SNX24: variants seen among roughly 807,000 people sequenced by gnomAD.
SNX24 encodes the protein sorting nexin 24.
A neutral mutation model predicts 28.7 loss-of-function variants in SNX24; 22 were observed. That is an observed-to-expected ratio of 0.77 (90% CI 0.55 to 1.10). The LOEUF is 1.10. Among genes scored for constraint, SNX24 ranks in the 50% least tolerant of loss-of-function variants. The probability of loss-of-function intolerance (pLI) is 0.00; values close to 1 mark genes in which losing one functional copy is unlikely to be tolerated. For synonymous variants in SNX24, 69 were observed against 71.5 expected (o/e 0.96, Z 0.18); for missense variants, 221 against 201.1 (o/e 1.10, Z -0.60).
intron 2 of SNX24, among the ~76,000 whole-genome samples, chr5:122,939,037 G>C (rs1039810924): frequency 1.8e-4 from 28 of 151,502 alleles, no homozygotes; most frequent in Middle Eastern, 3.5e-3. Context: ...TTGACTGTAA[G>C]ATTGTGTGCT....
chr5:122,911,158 A>G (rs534830860), intron 1 of SNX24, among the ~76,000 whole-genome samples: 1 of 152,310 alleles, frequency 6.6e-6, no homozygotes, highest in African/African-American at 2.4e-5. Context: ...AATGATTGCC[A>G]TTCTAACTGG....
intron 1 of SNX24, among the ~76,000 whole-genome samples, chr5:122,885,558 A>AGGAATTTGGGGT (rs2067242): frequency 0.8 from 121,134 of 151,368 alleles, 49,155 homozygotes; most frequent in East Asian, 0.99. Flanking sequence ...TATATCTCTA[A>AGGAATTTGGGGT]GGAATTTGGG....
intron 3 of SNX24, among the ~76,000 whole-genome samples, chr5:122,983,425 A>T (rs914555948): frequency 6.6e-6 from 1 of 152,192 alleles, no homozygotes; most frequent in Non-Finnish European, 1.5e-5. Context: ...CCTATACCAT[A>T]TACCATCTGC....
intron 6 of SNX24, among the ~76,000 whole-genome samples, chr5:123,004,140 G>A (rs1762343720): frequency 6.6e-6 from 1 of 152,200 alleles, no homozygotes; most frequent in South Asian, 2.1e-4. Flanking sequence ...TACAAAGTCA[G>A]AGGAGTGTCT....
At chr5:122,867,603 T>C (rs1385418210) in intron 1 of SNX24, among the ~76,000 whole-genome samples, 1 of 152,184 alleles carries the variant, frequency 6.6e-6, no homozygotes, top group Non-Finnish European at 1.5e-5. Flanking sequence ...TAACCTCTAT[T>C]CCTGCCACCA....
At chr5:122,989,842 A>G (rs977467896) in intron 3 of SNX24, among the ~76,000 whole-genome samples, 6 of 152,308 alleles carry the variant, frequency 3.9e-5, no homozygotes, top group African/African-American at 1.2e-4. Context: ...GAGAAGGGCT[A>G]GGGTACATAT....
chr5:122,847,299 CTT>C (rs777440537), intron 1 of SNX24, among the ~76,000 whole-genome samples: 1 of 152,078 alleles, frequency 6.6e-6, no homozygotes, highest in South Asian at 2.1e-4. Context: ...CTTTATGTAT[CTT>C]TTTATTATTT....
chr5:123,019,114 T>C (rs1363754202), intron 5 of SNX24, among the ~76,000 whole-genome samples: 3 of 152,198 alleles, frequency 2.0e-5, no homozygotes, highest in Non-Finnish European at 4.4e-5. Context: ...CACTCTAGAA[T>C]GTCAGTAACA....
At chr5:122,962,290 A>G (rs1760516657) in intron 3 of SNX24, among the ~76,000 whole-genome samples, 2 of 152,214 alleles carry the variant, frequency 1.3e-5, no homozygotes, top group South Asian at 2.1e-4. Context: ...TAAGGCTTGC[A>G]TTATAACCAT....
chr5:122,929,326 A>C (rs1293817907), intron 1 of SNX24, among the ~76,000 whole-genome samples: 1 of 152,106 alleles, frequency 6.6e-6, no homozygotes, highest in East Asian at 1.9e-4. Context: ...CTTTAGGAAA[A>C]GCTTCCCAGG....
At chr5:122,998,037 A>G (rs1286260391) in intron 3 of SNX24, among the ~76,000 whole-genome samples, 1 of 152,216 alleles carries the variant, frequency 6.6e-6, no homozygotes, top group East Asian at 1.9e-4. Flanking sequence ...CACTGAAATA[A>G]TGACCTCTGG....
At chr5:122,892,474 C>G (rs1757014688) in intron 1 of SNX24, among the ~76,000 whole-genome samples, 1 of 151,496 alleles carries the variant, frequency 6.6e-6, no homozygotes, top group African/African-American at 2.4e-5. Context: ...TTTATTGAGA[C>G]AGAGTCTCGC....
At chr5:122,903,020 T>C (rs1381150560) in intron 1 of SNX24, among the ~76,000 whole-genome samples, 1 of 152,186 alleles carries the variant, frequency 6.6e-6, no homozygotes, top group Non-Finnish European at 1.5e-5. Flanking sequence ...TACAGAGAAC[T>C]CAGTACCCCA....
chr5:122,999,055 G>A (rs995966080), intron 3 of SNX24, among the ~76,000 whole-genome samples: 5 of 151,804 alleles, frequency 3.3e-5, no homozygotes, highest in Admixed American at 2.0e-4. Context: ...TTAGAAGAGG[G>A]GGAGGGGGAG....
chr5:122,976,156 C>A (rs1236876081), intron 3 of SNX24, among the ~76,000 whole-genome samples: 1 of 151,912 alleles, frequency 6.6e-6, no homozygotes, highest in Non-Finnish European at 1.5e-5. Context: ...ACACCTATGG[C>A]TGATATAGGA....
intron 1 of SNX24, among the ~76,000 whole-genome samples, chr5:122,884,570 A>G (rs1756626627): frequency 6.6e-6 from 1 of 152,134 alleles, no homozygotes. Context: ...ATCACATAAA[A>G]AAAAATGTAT....
At chr5:122,923,832 G>A (rs425192) in intron 1 of SNX24, among the ~76,000 whole-genome samples, 108,749 of 152,202 alleles carry the variant, frequency 0.71, 39,561 homozygotes, top group East Asian at 0.99. Context: ...CCGAGCTTAC[G>A]CTTTACCCTT....
intron 3 of SNX24, among the ~76,000 whole-genome samples, chr5:122,974,975 G>A (rs1344521847): frequency 6.6e-6 from 1 of 152,124 alleles, no homozygotes; most frequent in East Asian, 1.9e-4. Context: ...GGAATCAGTG[G>A]ACCTAAAACT....
chr5:122,942,799 T>C (rs1489297195), intron 2 of SNX24, among the ~76,000 whole-genome samples: 1 of 152,140 alleles, frequency 6.6e-6, no homozygotes, highest in Non-Finnish European at 1.5e-5. Context: ...ACTGGAAACA[T>C]ATTGTCTCGG....
Sources: gnomAD v4.1 joint callset for allele counts (sites outside exome capture counted in the v4.1 genomes callset) on GRCh38, gnomAD v4.1.1 for gene constraint, MANE v1.5 for transcripts, NCBI Gene and HGNC (gene_info 2026-07-23, HGNC 2026-07-21) for gene names.